ZNF630: variants seen among roughly 807,000 people sequenced by gnomAD.
ZNF630 encodes the protein zinc finger protein 630.
A neutral mutation model predicts 7.2 loss-of-function variants in ZNF630; 5 were observed. The ratio of observed to expected loss-of-function variants is 0.70; its 90% CI spans 0.36 to 1.46. ZNF630 has a LOEUF of 1.46. Among genes scored for constraint, ZNF630 ranks in the 40% most tolerant of loss-of-function variants. The probability of loss-of-function intolerance (pLI) is 0.03; values close to 1 mark genes in which losing one functional copy is unlikely to be tolerated. For synonymous variants in ZNF630, 158 were observed against 162.8 expected (o/e 0.97, Z 0.23); for missense variants, 461 against 477.0 (o/e 0.97, Z 0.31).
intron 2 of ZNF630, among the ~76,000 whole-genome samples, chrX:48,061,159 A>G (rs1556909147): frequency 9.0e-6 from 1 of 111,712 alleles, no homozygotes; most frequent in Admixed American, 9.5e-5. Context: ...TAAAGGTAGC[A>G]TTTTAAACAG....
At chrX:48,061,292 A>G (rs1429008687) in intron 2 of ZNF630, among the ~76,000 whole-genome samples, 3 of 111,712 alleles carry the variant, frequency 2.7e-5, no homozygotes, top group East Asian at 5.6e-4. Flanking sequence ...AAGAGAAACT[A>G]TAAAATAAAG....
Position 48,059,140 on chromosome X carries a change from A to G in ZNF630, c.1302T>C (p.Gly434=). 8.3e-7 allele frequency: 1 copy of G among 1,208,370 alleles called. No individual in the cohort carries two copies. Among genetic ancestry groups the G allele is most frequent in the Non-Finnish European group, 1.1e-6 (1 of 893,188 alleles). The change falls in exon 5 of 5, where the codon GGT becomes GGC. Residue 434 remains glycine, a synonymous_variant. Transcript: ENST00000276054. The part of the protein sequence containing the change: ...THTGEKPYKC[G]ECGKTFCQQS... ...GTTGGCAGAAAGTTTTCCCACATTC[A>G]CCACACTTATAGGGCTTCTCTCCAG...
In ZNF630 at chrX:48,058,298, T is replaced by G. The variant is rs5905649; in HGVS notation, c.*170A>C. ...GAGCAAATTGATTCCATATTTGTGA[T>G]GTTGAAAATATTCTGAGGGCCTAAG... On this transcript the variant is annotated 3_prime_UTR_variant, in exon 5 of 5. Coordinates refer to ENST00000276054, the MANE Select transcript of ZNF630 (RefSeq NM_001282201.2). 172,436 of 403,505 alleles carry G rather than the reference T, an allele frequency of 0.43. 27,935 individuals are homozygous for G. Among genetic ancestry groups the G allele is most frequent in the Non-Finnish European group, 0.47 (118,966 of 253,999 alleles). The allele number at this position is 403,505 out of a possible 1,213,427, so 33.3% of individuals were successfully genotyped here. A position where few individuals can be genotyped will look rare whatever the true frequency, so the allele number is the denominator to read the frequency against.
chrX:48,060,615 G>GT, intron 3 of ZNF630, 70 bp from the exon 4 acceptor site: 2 of 982,429 alleles, frequency 2.0e-6, no homozygotes, highest in Non-Finnish European at 2.8e-6. Context: ...GCACTTGCAG[G>GT]GGCCTCCCAG....
At chrX:48,068,076 AAAGGCAGGAAGGAAGGCAGGAGGG>A (rs1569422228) in intron 1 of ZNF630, among the ~76,000 whole-genome samples, 1 of 104,817 alleles carries the variant, frequency 9.5e-6, no homozygotes, top group African/African-American at 3.5e-5. Flanking sequence ...GAAAGGCAAG[AAAGGCAGGAAGGAAGGCAGGAGGG>A]AAGGCAGGAA....
At chrX:48,061,048 G>A (rs903690014) in intron 2 of ZNF630, 103 bp from the exon 3 acceptor site, 2 of 745,870 alleles carry the variant, frequency 2.7e-6, no homozygotes, top group African/African-American at 4.2e-5. Flanking sequence ...TACTTTATGA[G>A]AGAAACAATG....
chrX:48,070,852 T>A (rs1489308926), intron 1 of ZNF630, among the ~76,000 whole-genome samples: 1 of 109,277 alleles, frequency 9.2e-6, no homozygotes, highest in Non-Finnish European at 1.9e-5. Flanking sequence ...TTCATGCACA[T>A]ATGATTGATC....
intron 2 of ZNF630, among the ~76,000 whole-genome samples, chrX:48,064,654 C>T (rs965840098): frequency 2.7e-5 from 3 of 111,400 alleles, no homozygotes; most frequent in Admixed American, 1.9e-4. Context: ...TGTAGAGATG[C>T]GGTTTCGCCA....
chrX:48,069,841 G>GTTTTTTTTTTTTTTTTTTTTT (rs1210374790), intron 1 of ZNF630, among the ~76,000 whole-genome samples: 1 of 41,134 alleles, frequency 2.4e-5, no homozygotes. Context: ...GACATTGTCT[G>GTTTTTTTTTTTTTTTTTTTTT]TTTTTTTTTT....
chrX:48,070,135 G>A (rs2059153604), intron 1 of ZNF630, among the ~76,000 whole-genome samples: 1 of 108,131 alleles, frequency 9.2e-6, no homozygotes, highest in African/African-American at 3.4e-5. Context: ...TGGGATTATA[G>A]GTGTGAGCCA....
In ZNF630 at chrX:48,059,379, C is replaced by CT. The variant is rs1556908596; in HGVS notation, c.1062dup (p.Ala355SerfsTer22). The CT allele has an allele frequency of 8.3e-7, 1 of 1,207,639 alleles. No individual in the cohort carries two copies. The highest frequency in any genetic ancestry group is 1.1e-6 in the Non-Finnish European group (1 of 893,109). ...ATTAGATGTGACTTCTGGGAGAAAG[C>CT]TTTTGGACACTCAAAACACTCATAG... On this transcript the variant is annotated frameshift_variant, in exon 5 of 5. Transcript: ENST00000276054. LOFTEE classifies it low-confidence loss of function (END_TRUNC).
At chrX:48,061,787 T>C in intron 2 of ZNF630, 1 of 322,577 alleles carries the variant, frequency 3.1e-6, no homozygotes, top group East Asian at 1.0e-4. Context: ...AAGAAGGTCC[T>C]TGCTTCCCCT....
chrX:48,067,311 A>G (rs782232701), intron 1 of ZNF630, among the ~76,000 whole-genome samples: 3 of 112,228 alleles, frequency 2.7e-5, no homozygotes, highest in Non-Finnish European at 3.8e-5. Flanking sequence ...TGAGATAATC[A>G]TGAAAGTTTG....
chrX:48,070,642 A>G (rs2059156217), intron 1 of ZNF630, among the ~76,000 whole-genome samples: 1 of 108,502 alleles, frequency 9.2e-6, no homozygotes, highest in Non-Finnish European at 1.9e-5. Context: ...AAATTCCTAC[A>G]AATCATTAAG....
chrX:48,059,180 T>A lies in ZNF630; in HGVS notation c.1262A>T (p.His421Leu). ...CTTCTCTCCAGTATGCGTTCTCTGA[T>A]GTATAATGAGCTGTGTTTTCCGAGG... ...TFPRKTQLII[H>L]QRTHTGEKPY... The change falls in exon 5 of 5, where the codon CAT (histidine) becomes CTT (leucine). Residue 421 changes from histidine to leucine, a missense_variant. Coordinates refer to ENST00000276054, the MANE Select transcript of ZNF630 (RefSeq NM_001282201.2). The A allele has an allele frequency of 8.3e-7, 1 of 1,208,772 alleles. No individual in the cohort carries two copies. Among genetic ancestry groups the A allele is most frequent in the Non-Finnish European group, 1.1e-6 (1 of 893,284 alleles).
chrX:48,060,072 G>T lies in ZNF630; in HGVS notation c.370C>A (p.Gln124Lys). ...TGATTTCCTTGATATCTATCCATCT[G>T]ATTATCAATATGCCAGATTTTTAAA... ...SVLKIWHIDNQMDRYQGNQDR... is the reference protein window; with the variant it reads ...SVLKIWHIDNKMDRYQGNQDR... The change falls in exon 5 of 5, where the codon CAG (glutamine) becomes AAG (lysine). Residue 124 changes from glutamine (Q) to lysine (K), a missense_variant. By Grantham distance (53) the Gln-to-Lys change is moderately conservative. Coordinates refer to ENST00000276054, the MANE Select transcript of ZNF630 (RefSeq NM_001282201.2). The T allele has an allele frequency of 8.3e-7, 1 of 1,202,031 alleles. No homozygotes were observed. The highest frequency in any genetic ancestry group is 1.1e-6 in the Non-Finnish European group (1 of 889,595).
rs1556908767 is a variant in ZNF630 at position 48,059,821 on chromosome X, A to T, written c.621T>A (p.Phe207Leu). 2.5e-6 allele frequency: 3 copies of T among 1,206,924 alleles called. No homozygotes were observed. The African/African-American group carries it at 5.3e-5, about 21-fold the overall frequency. Residue 207 changes from phenylalanine to leucine, a missense_variant, in exon 5 of 5, where the codon TTT becomes TTA. By Grantham distance (22) the Phe-to-Leu change is conservative. Coordinates refer to ENST00000276054, the MANE Select transcript of ZNF630 (RefSeq NM_001282201.2). The stretch of plus-strand genomic sequence containing the variant: ...TATACTTAGGTGGTCTCCCACATCT[A>T]AATCTCTTAGTGGGGTTCTTTCTTG... The part of the protein sequence containing the change: ...SYARKNPTKR[F>L]RCGRPPKYNA...
rs182005158 is a variant in ZNF630 at position 48,068,401 on chromosome X, A to G, written c.-175-1340T>C. On this transcript the variant is annotated intron_variant, in intron 1 of 4. Coordinates refer to ENST00000276054, the MANE Select transcript of ZNF630 (RefSeq NM_001282201.2). ...AAGGGTCATATGGTAAATGTTTTCA[A>G]TTTTGTGGGTTCTGTGGTCTCTGCT... Among the ~76,000 whole-genome samples the G allele has an allele frequency of 1.2e-3, 132 of 110,995 alleles. 3 individuals carry two copies. Among genetic ancestry groups the G allele is most frequent in the Middle Eastern group, 4.6e-3 (1 of 216 alleles).
At chrX:48,062,602 T>C (rs782395784) in intron 2 of ZNF630, among the ~76,000 whole-genome samples, 2 of 111,437 alleles carry the variant, frequency 1.8e-5, no homozygotes, top group East Asian at 5.7e-4. Flanking sequence ...AGCATGGTGG[T>C]GCATGCCTGT....
Sources: gnomAD v4.1 joint callset for allele counts (sites outside exome capture counted in the v4.1 genomes callset) on GRCh38, gnomAD v4.1.1 for gene constraint, MANE v1.5 for transcripts, NCBI Gene and HGNC (gene_info 2026-07-23, HGNC 2026-07-21) for gene names.